Variants in UBE2R2 observed in about 807,000 individuals in gnomAD.
UBE2R2 encodes ubiquitin conjugating enzyme E2 R2, also known as ubiquitin-conjugating enzyme E2 R2.
Under a neutral mutation model 27.8 loss-of-function variants are expected in UBE2R2, and 1 was observed. The observed-to-expected ratio is 0.04, with a 90% CI of 0.01 to 0.17. The LOEUF is 0.17. Among genes scored for constraint, UBE2R2 ranks in the 10% least tolerant of loss-of-function variants. The pLI, the probability that UBE2R2 is intolerant of heterozygous loss-of-function variation, is 1.00. For synonymous variants in UBE2R2, 106 were observed against 113.3 expected, an observed-to-expected ratio of 0.94 and a Z score of 0.41; for missense variants, 100 against 291.0, an observed-to-expected ratio of 0.34 and a Z score of 4.78.
chr9:33,858,820 T>A (rs1014790838), intron 1 of UBE2R2, among the ~76,000 whole-genome samples: 2 of 151,374 alleles, frequency 1.3e-5, no homozygotes, highest in African/African-American at 4.9e-5. Context: ...GTTTGTTTTG[T>A]TTTGTTTTGT....
rs1194466045 is a variant in UBE2R2 at position 33,817,206 on chromosome 9, C to G, written c.-552C>G. On this transcript the variant is annotated 5_prime_UTR_variant, in exon 1 of 5. Coordinates refer to ENST00000263228, the MANE Select transcript of UBE2R2 (RefSeq NM_017811.4). ...CGCGGCGCGAGGCGCTCTCGCTCTC[C>G]TCCTCCTCCGCCGTCGCCCCTCCCC... Among the ~76,000 whole-genome samples, 1 of 150,142 alleles carries G rather than the reference C, an allele frequency of 6.7e-6. No homozygotes were observed. Among genetic ancestry groups the G allele is most frequent in the East Asian group, 2.0e-4 (1 of 5,040 alleles).
intron 1 of UBE2R2, among the ~76,000 whole-genome samples, chr9:33,884,054 T>C (rs898881597): frequency 2.6e-5 from 4 of 151,992 alleles, no homozygotes; most frequent in Admixed American, 2.6e-4. Flanking sequence ...TCTACTCAGG[T>C]GGCTGAGGTG....
intron 1 of UBE2R2, among the ~76,000 whole-genome samples, chr9:33,843,602 CCT>C (rs1820777961): frequency 6.7e-6 from 1 of 150,052 alleles, no homozygotes; most frequent in African/African-American, 2.5e-5. Context: ...CCTCAGCCCC[CCT>C]AGTAGCTGGG....
intron 1 of UBE2R2, among the ~76,000 whole-genome samples, chr9:33,877,799 C>CTCTG (rs546643488): frequency 0.066 from 9,497 of 144,956 alleles, 450 homozygotes; most frequent in Non-Finnish European, 0.094. Flanking sequence ...TTTTGCCCCT[C>CTCTG]TCTGTCTGTC....
At chr9:33,873,175 A>T (rs1480746847) in intron 1 of UBE2R2, among the ~76,000 whole-genome samples, 1 of 12,656 alleles carries the variant, frequency 7.9e-5, no homozygotes. Flanking sequence ...ACTCCGTCTT[A>T]AAAAAAAAAA....
At position 33,917,207 on chromosome 9, in the gene UBE2R2, T is replaced by C; in HGVS notation, c.687T>C (p.Asp229=). ...AGGAGGAAGATGCCGACTGTTATGATGATGATGATTCTGGGAATGAGGAGT... is the reference window on the plus strand; with the variant it reads ...AGGAGGAAGATGCCGACTGTTATGACGATGATGATTCTGGGAATGAGGAGT... The part of the protein sequence containing the change: ...DEEEEDADCY[D]DDDSGNEES Residue 229 remains aspartate (D), a synonymous_variant, in exon 5 of 5, where the codon GAT becomes GAC. Transcript: ENST00000263228. 2 of 1,614,174 alleles carry C rather than the reference T, an allele frequency of 1.2e-6. No homozygotes were observed. The highest frequency in any genetic ancestry group is 8.5e-7 in the Non-Finnish European group (1 of 1,180,026).
chr9:33,891,047 G>GTTTTTTTGTGTTTTTT (rs1554676110), intron 2 of UBE2R2, among the ~76,000 whole-genome samples: 1 of 126,374 alleles, frequency 7.9e-6, no homozygotes, highest in Admixed American at 8.3e-5. Flanking sequence ...TTGTTGTTGT[G>GTTTTTTTGTGTTTTTT]TTTTTTTGTT....
intron 1 of UBE2R2, among the ~76,000 whole-genome samples, chr9:33,826,800 G>A (rs1334696254): frequency 6.6e-6 from 1 of 151,966 alleles, no homozygotes; most frequent in Non-Finnish European, 1.5e-5. Context: ...GTTATTGGGT[G>A]GGTGCAGTGG....
At chr9:33,850,699 ATTGT>A (rs973491241) in intron 1 of UBE2R2, among the ~76,000 whole-genome samples, 19 of 152,248 alleles carry the variant, frequency 1.2e-4, no homozygotes, top group Admixed American at 2.6e-4. Context: ...TTTACATTTA[ATTGT>A]TTATTTATAA....
chr9:33,915,877 GTGAT>G (rs1428206238), intron 4 of UBE2R2, among the ~76,000 whole-genome samples: 2 of 152,124 alleles, frequency 1.3e-5, no homozygotes, highest in Non-Finnish European at 2.9e-5. Context: ...CTTCTCTAAG[GTGAT>G]ATTTAAGCCT....
chr9:33,834,291 C>G (rs1432116889), intron 1 of UBE2R2, among the ~76,000 whole-genome samples: 1 of 151,068 alleles, frequency 6.6e-6, no homozygotes, highest in Non-Finnish European at 1.5e-5. Context: ...ACCTCCGTCT[C>G]CCGGGTTCAA....
At chr9:33,906,113 C>CTGT (rs3060468) in intron 3 of UBE2R2, among the ~76,000 whole-genome samples, 29,050 of 151,220 alleles carry the variant, frequency 0.19, 3,249 homozygotes, top group East Asian at 0.54. Context: ...GTCGTTGTTG[C>CTGT]TGTTGTTGTT....
At chr9:33,833,725 A>G (rs984276535) in intron 1 of UBE2R2, among the ~76,000 whole-genome samples, 1 of 152,222 alleles carries the variant, frequency 6.6e-6, no homozygotes, top group African/African-American at 2.4e-5. Context: ...TGTAACCAGC[A>G]TCATGACCTA....
chr9:33,903,237 T>C (rs995839254), intron 3 of UBE2R2, among the ~76,000 whole-genome samples: 3 of 152,188 alleles, frequency 2.0e-5, no homozygotes, highest in African/African-American at 7.2e-5. Flanking sequence ...TTTTAAAAAA[T>C]ATTTTGGATG....
intron 1 of UBE2R2, among the ~76,000 whole-genome samples, chr9:33,865,413 G>T (rs1563993221): frequency 6.6e-6 from 1 of 151,120 alleles, no homozygotes. Context: ...GGCCAGGCTT[G>T]TCTTGATCTC....
At chr9:33,858,001 T>C (rs967116921) in intron 1 of UBE2R2, among the ~76,000 whole-genome samples, 1 of 152,250 alleles carries the variant, frequency 6.6e-6, no homozygotes, top group African/African-American at 2.4e-5. Context: ...GCCAAGATGC[T>C]AACTTTATGA....
At chr9:33,866,833 C>T (rs935972431) in intron 1 of UBE2R2, among the ~76,000 whole-genome samples, 2 of 152,114 alleles carry the variant, frequency 1.3e-5, no homozygotes, top group Non-Finnish European at 2.9e-5. Flanking sequence ...ATATACTGTG[C>T]ATATTAAATC....
intron 4 of UBE2R2, among the ~76,000 whole-genome samples, chr9:33,916,583 G>A (rs1364904187): frequency 2.0e-5 from 3 of 152,144 alleles, no homozygotes; most frequent in Admixed American, 6.5e-5. Context: ...ACTAGGAGGC[G>A]TATTAGCCCT....
At chr9:33,845,798 A>G (rs796554117) in intron 1 of UBE2R2, among the ~76,000 whole-genome samples, 4 of 151,890 alleles carry the variant, frequency 2.6e-5, no homozygotes, top group African/African-American at 9.7e-5. Flanking sequence ...ATCTGAGGTC[A>G]GGAGTTCGAG....
Sources: gnomAD v4.1 joint callset for allele counts (sites outside exome capture counted in the v4.1 genomes callset) on GRCh38, gnomAD v4.1.1 for gene constraint, MANE v1.5 for transcripts, NCBI Gene and HGNC (gene_info 2026-07-23, HGNC 2026-07-21) for gene names.